The following PLAC1 variants were observed in gnomAD, a reference collection of about 807,000 sequenced individuals.
The protein encoded by PLAC1 is placenta-specific protein 1.
For synonymous variants in PLAC1, 68 were observed against 62.1 expected, an observed-to-expected ratio of 1.09 and a Z score of -0.44; for missense variants, 136 against 163.2, an observed-to-expected ratio of 0.83 and a Z score of 0.91.
At chrX:134,590,816 A>G (rs979689686) in intron 2 of PLAC1, among the ~76,000 whole-genome samples, 4 of 110,487 alleles carry the variant, frequency 3.6e-5, no homozygotes, top group Non-Finnish European at 7.6e-5. Flanking sequence ...CATGTTGGCC[A>G]GGCTGGTCTC....
At chrX:134,682,140 G>A (rs1298728851) in intron 2 of PLAC1, among the ~76,000 whole-genome samples, 4 of 112,215 alleles carry the variant, frequency 3.6e-5, no homozygotes, top group East Asian at 2.8e-4. Flanking sequence ...TTCAGCATAC[G>A]TTGATGATCA....
intron 1 of PLAC1, among the ~76,000 whole-genome samples, chrX:134,608,622 T>G (rs1407954572): frequency 9.0e-6 from 1 of 111,434 alleles, no homozygotes; most frequent in Non-Finnish European, 1.9e-5. Flanking sequence ...GAGAACACTG[T>G]AAATGTGCTT....
chrX:134,608,862 G>C (rs2078137303), intron 1 of PLAC1, among the ~76,000 whole-genome samples: 1 of 109,105 alleles, frequency 9.2e-6, no homozygotes, highest in South Asian at 4.0e-4. Context: ...TTTTAGTAGA[G>C]ACGGGGTTTC....
intron 1 of PLAC1, among the ~76,000 whole-genome samples, chrX:134,623,797 T>C (rs896467995): frequency 3.6e-5 from 4 of 111,892 alleles, no homozygotes; most frequent in African/African-American, 1.3e-4. Context: ...CCCTTCTACA[T>C]AGAAAGAAGC....
intron 1 of PLAC1, among the ~76,000 whole-genome samples, chrX:134,648,497 C>T (rs1353390098): frequency 9.0e-6 from 1 of 111,400 alleles, no homozygotes; most frequent in Non-Finnish European, 1.9e-5. Flanking sequence ...ACCAGCCTGG[C>T]CAACATGGCG....
intron 1 of PLAC1, among the ~76,000 whole-genome samples, chrX:134,750,837 ATATAT>A: frequency 3.2e-5 from 1 of 31,646 alleles, no homozygotes; most frequent in African/African-American, 2.1e-4. Flanking sequence ...ATATATATTT[ATATAT>A]ATATTTATAT....
At chrX:134,686,101 G>A (rs1206928350) in intron 2 of PLAC1, among the ~76,000 whole-genome samples, 1 of 111,880 alleles carries the variant, frequency 8.9e-6, no homozygotes, top group East Asian at 2.8e-4. Flanking sequence ...TATTGATGGA[G>A]TCACCTTGTG....
At chrX:134,699,507 G>T (rs73566688) in intron 2 of PLAC1, among the ~76,000 whole-genome samples, 1,771 of 112,312 alleles carry the variant, frequency 0.016, 36 homozygotes, top group African/African-American at 0.054. Context: ...TACGTGAGAT[G>T]ATGGATATGT....
chrX:134,677,678 G>A (rs2078480099), intron 2 of PLAC1, among the ~76,000 whole-genome samples: 1 of 111,791 alleles, frequency 8.9e-6, no homozygotes, highest in Non-Finnish European at 1.9e-5. Context: ...GTCACATAAT[G>A]GCGGCCATGG....
chrX:134,584,224 C>A (rs984621675), intron 2 of PLAC1, among the ~76,000 whole-genome samples: 3 of 111,634 alleles, frequency 2.7e-5, no homozygotes, highest in African/African-American at 9.8e-5. Context: ...TTCAAGAGAT[C>A]CAGATAGAAG....
At chrX:134,582,875 C>T (rs1363769526) in intron 2 of PLAC1, among the ~76,000 whole-genome samples, 1 of 111,723 alleles carries the variant, frequency 9.0e-6, no homozygotes, top group Non-Finnish European at 1.9e-5. Context: ...GGGTTTGAGG[C>T]AGGATAGTCT....
chrX:134,633,672 A>T (rs1431775686), intron 1 of PLAC1, among the ~76,000 whole-genome samples: 1 of 111,797 alleles, frequency 8.9e-6, no homozygotes, highest in Non-Finnish European at 1.9e-5. Context: ...CAAATACAGT[A>T]TAAAAAGAAG....
intron 2 of PLAC1, among the ~76,000 whole-genome samples, chrX:134,581,836 T>C (rs139268957): frequency 8.6e-4 from 95 of 110,939 alleles, no homozygotes; most frequent in African/African-American, 2.9e-3. Flanking sequence ...AACCAGCTCA[T>C]AATAAGAGCT....
chrX:134,730,333 T>C (rs1256714278), intron 2 of PLAC1, among the ~76,000 whole-genome samples: 6 of 112,450 alleles, frequency 5.3e-5, no homozygotes, highest in African/African-American at 1.9e-4. Context: ...AAGTGTTTTA[T>C]GTGAGAGTTT....
intron 2 of PLAC1, among the ~76,000 whole-genome samples, chrX:134,671,514 A>G (rs2078455183): frequency 9.0e-6 from 1 of 110,725 alleles, no homozygotes; most frequent in African/African-American, 3.3e-5. Context: ...AGGAAGCATG[A>G]CTGGGAGGCC....
At position 134,565,889 on chromosome X, in the gene PLAC1, A is replaced by AAAT; in HGVS notation, c.*152_*154dup. ...ATTTTTTGTTTACACATGAATATAA[A>AAAT]AATATAGAAAAAGGCTTAATTCATG... On this transcript the variant is annotated 3_prime_UTR_variant, in exon 3 of 3. Coordinates refer to ENST00000359237, the MANE Select transcript of PLAC1 (RefSeq NM_021796.4). The AAAT allele has an allele frequency of 2.3e-6, 1 of 426,562 alleles. No homozygotes were observed. The highest frequency in any genetic ancestry group is 4.1e-5 in the Admixed American group (1 of 24,175). The allele number at this position is 426,562 out of a possible 1,213,427, so 35.2% of individuals were successfully genotyped here.
chrX:134,618,862 G>A (rs757693884), intron 1 of PLAC1, among the ~76,000 whole-genome samples: 2 of 112,583 alleles, frequency 1.8e-5, no homozygotes, highest in Admixed American at 9.4e-5. Context: ...AAAGATGTCT[G>A]CCTTATAGGC....
intron 2 of PLAC1, among the ~76,000 whole-genome samples, chrX:134,600,013 C>T (rs992523199): frequency 9.1e-6 from 1 of 110,360 alleles, no homozygotes; most frequent in Admixed American, 9.7e-5. Context: ...ATTTTCCTTT[C>T]AATATCAAAC....
chrX:134,737,032 C>A (rs1015852319), intron 1 of PLAC1, among the ~76,000 whole-genome samples: 1 of 112,402 alleles, frequency 8.9e-6, no homozygotes, highest in African/African-American at 3.2e-5. Context: ...GGAAGTAAAT[C>A]AAAATAGCAG....
Sources: gnomAD v4.1 joint callset for allele counts (sites outside exome capture counted in the v4.1 genomes callset) on GRCh38, gnomAD v4.1.1 for gene constraint, MANE v1.5 for transcripts, NCBI Gene and HGNC (gene_info 2026-07-23, HGNC 2026-07-21) for gene names.